Variants in LRP1B observed in about 807,000 individuals in gnomAD.
LRP1B encodes LDL receptor related protein 1B.
In LRP1B, 217 loss-of-function variants were observed where a neutral mutation model predicts 556.6. The ratio of observed to expected loss-of-function variants is 0.39; its 90% CI spans 0.35 to 0.44. LRP1B has a LOEUF of 0.44. LRP1B is among the 20% of genes least tolerant of loss of function. LRP1B has a pLI of 1.00. For synonymous variants in LRP1B, 2,047 were observed against 1,865.8 expected (o/e 1.10, Z -2.50); for missense variants, 5,053 against 5,620.8 (o/e 0.90, Z 3.23).
intron 83 of LRP1B, among the ~76,000 whole-genome samples, chr2:140,305,940 T>C (rs1684045219): frequency 6.6e-6 from 1 of 151,922 alleles, no homozygotes; most frequent in Non-Finnish European, 1.5e-5. Flanking sequence ...GTTCTGTTTA[T>C]ATGCTGGATT....
intron 83 of LRP1B, among the ~76,000 whole-genome samples, chr2:140,313,228 T>C (rs1167623156): frequency 6.6e-6 from 1 of 151,944 alleles, no homozygotes; most frequent in Non-Finnish European, 1.5e-5. Flanking sequence ...ATTGAATCCA[T>C]ATGAGAACTA....
intron 23 of LRP1B, among the ~76,000 whole-genome samples, chr2:140,895,821 C>T (rs1379403922): frequency 6.6e-6 from 1 of 152,242 alleles, no homozygotes; most frequent in East Asian, 1.9e-4. Context: ...AAGGTCCCAC[C>T]GTCAAGCCAT....
At chr2:141,498,199 T>C (rs963145682) in intron 2 of LRP1B, among the ~76,000 whole-genome samples, 12 of 151,944 alleles carry the variant, frequency 7.9e-5, no homozygotes, top group Admixed American at 4.6e-4. Context: ...AAAGGACTAG[T>C]GGAGTAATAC....
At chr2:140,400,542 T>C (rs913178910) in intron 66 of LRP1B, among the ~76,000 whole-genome samples, 1 of 152,220 alleles carries the variant, frequency 6.6e-6, no homozygotes, top group African/African-American at 2.4e-5. Flanking sequence ...GTTCTAATTT[T>C]GGAAACTCCC....
intron 66 of LRP1B, among the ~76,000 whole-genome samples, chr2:140,429,071 T>C (rs1244527414): frequency 2.0e-5 from 3 of 152,112 alleles, no homozygotes; most frequent in South Asian, 2.1e-4. Flanking sequence ...CAACGGATCA[T>C]GCACCCCTTA....
rs373306826 is a variant in LRP1B at position 141,225,259 on chromosome 2, A to G, written c.850+3924T>C. Among the ~76,000 whole-genome samples, 9 of 152,260 alleles carry G rather than the reference A, an allele frequency of 5.9e-5. No homozygotes were observed. In the East Asian group the frequency reaches 1.4e-3, roughly 23 times the overall value. ...GGCTAAATCCATGTTAAAATCTTAA[A>G]TGTGATCCTTGAGTTTTTCAGAGTA... On this transcript the variant is annotated intron_variant, in intron 6 of 90. Coordinates refer to ENST00000389484, the MANE Select transcript of LRP1B (RefSeq NM_018557.3).
intron 2 of LRP1B, among the ~76,000 whole-genome samples, chr2:141,765,743 T>C (rs1694714192): frequency 6.6e-6 from 1 of 152,238 alleles, no homozygotes; most frequent in African/African-American, 2.4e-5. Context: ...AGGTCGCTTA[T>C]AGAGCATCTT....
intron 20 of LRP1B, among the ~76,000 whole-genome samples, chr2:140,937,151 C>A (rs1021537760): frequency 6.6e-6 from 1 of 151,820 alleles, no homozygotes; most frequent in Non-Finnish European, 1.5e-5. Context: ...TCACAAAATG[C>A]CAACTAAACA....
chr2:141,091,755 A>G (rs1700177084), intron 7 of LRP1B, among the ~76,000 whole-genome samples: 1 of 152,362 alleles, frequency 6.6e-6, no homozygotes, highest in South Asian at 2.1e-4. Context: ...AAACATCTGA[A>G]AAGTCTATGA....
At chr2:141,499,450 G>A (rs1334521320) in intron 2 of LRP1B, among the ~76,000 whole-genome samples, 1 of 151,992 alleles carries the variant, frequency 6.6e-6, no homozygotes, top group African/African-American at 2.4e-5. Context: ...TTTGTATCCT[G>A]TGTATGATCT....
intron 3 of LRP1B, among the ~76,000 whole-genome samples, chr2:141,470,812 ATAT>A (rs1682433843): frequency 6.6e-6 from 1 of 152,358 alleles, no homozygotes; most frequent in African/African-American, 2.4e-5. Flanking sequence ...CTTTTGAATA[ATAT>A]TAAAACAATG....
At chr2:141,463,591 A>ATTATGTAT (rs59796893) in intron 3 of LRP1B, among the ~76,000 whole-genome samples, 1 of 77,318 alleles carries the variant, frequency 1.3e-5, no homozygotes, top group Non-Finnish European at 2.4e-5. Flanking sequence ...ATTATATATA[A>ATTATGTAT]TATATATTAT....
intron 77 of LRP1B, among the ~76,000 whole-genome samples, chr2:140,340,067 A>AT (rs1348453998): frequency 2.0e-5 from 3 of 151,534 alleles, no homozygotes; most frequent in Non-Finnish European, 4.4e-5. Context: ...AATATATGTG[A>AT]TTTTGTTACT....
chr2:141,446,671 C>A (rs1314365424), intron 3 of LRP1B, among the ~76,000 whole-genome samples: 1 of 152,146 alleles, frequency 6.6e-6, no homozygotes. Context: ...GCTTATGAAG[C>A]TTAGCTTGGC....
At chr2:141,893,062 G>C (rs1393475352) in intron 1 of LRP1B, among the ~76,000 whole-genome samples, 1 of 151,902 alleles carries the variant, frequency 6.6e-6, no homozygotes, top group Non-Finnish European at 1.5e-5. Flanking sequence ...AAACCTTTTT[G>C]TCATGTTCAA....
chr2:140,611,340 T>A (rs553717847), intron 41 of LRP1B, among the ~76,000 whole-genome samples: 1 of 152,206 alleles, frequency 6.6e-6, no homozygotes, highest in Non-Finnish European at 1.5e-5. Context: ...GAATATTTTC[T>A]GATCTTTTAG....
chr2:140,365,013 A>AT (rs886403377), intron 71 of LRP1B, among the ~76,000 whole-genome samples: 10 of 151,534 alleles, frequency 6.6e-5, no homozygotes, highest in African/African-American at 1.9e-4. Flanking sequence ...ATATATGTCT[A>AT]TTTTTTAGAA....
At chr2:141,854,320 A>G (rs960135399) in intron 1 of LRP1B, among the ~76,000 whole-genome samples, 9 of 151,980 alleles carry the variant, frequency 5.9e-5, no homozygotes, top group African/African-American at 1.9e-4. Flanking sequence ...TCAGAGCTCA[A>G]TTTTGTGTAA....
At chr2:141,316,788 G>A (rs1227369971) in intron 3 of LRP1B, among the ~76,000 whole-genome samples, 1 of 152,186 alleles carries the variant, frequency 6.6e-6, no homozygotes, top group Non-Finnish European at 1.5e-5. Flanking sequence ...TGGGGGGTGA[G>A]GTGGATAAGC....
Sources: gnomAD v4.1 joint callset for allele counts (sites outside exome capture counted in the v4.1 genomes callset) on GRCh38, gnomAD v4.1.1 for gene constraint, MANE v1.5 for transcripts, NCBI Gene and HGNC (gene_info 2026-07-23, HGNC 2026-07-21) for gene names.